Variants in DPH6 observed in about 807,000 individuals in gnomAD.
DPH6 encodes the protein diphthine--ammonia ligase.
DPH6 carries 33 observed loss-of-function variants against 38.2 expected under a neutral mutation model. The ratio of observed to expected loss-of-function variants is 0.86; its 90% CI spans 0.65 to 1.15. DPH6 has a LOEUF of 1.15. Among genes scored for constraint, DPH6 ranks in the 50% most tolerant of loss-of-function variants. The pLI is 0.00. For synonymous variants in DPH6, 108 were observed against 103.0 expected (o/e 1.05, Z -0.30); for missense variants, 325 against 320.0 (o/e 1.02, Z -0.12).
intron 5 of DPH6, among the ~76,000 whole-genome samples, chr15:35,449,448 C>T (rs1000666545): frequency 6.6e-6 from 1 of 152,058 alleles, no homozygotes; most frequent in African/African-American, 2.4e-5. Flanking sequence ...GGAGGTCTCT[C>T]TGGGTCCTAA....
intron 3 of DPH6, chr15:35,298,468 T>C: frequency 1.3e-6 from 1 of 768,646 alleles, no homozygotes; most frequent in South Asian, 1.3e-5. Context: ...TTTCACGTTC[T>C]TCCTTGGTTT....
chr15:35,489,284 A>G (rs1460676532), intron 3 of DPH6: 1 of 969,204 alleles, frequency 1.0e-6, no homozygotes, highest in Non-Finnish European at 1.2e-6. Context: ...GTCTATTCAA[A>G]GAAAATGGAA....
chr15:35,229,281 A>G (rs2051501891), intron 3 of DPH6, among the ~76,000 whole-genome samples: 1 of 151,764 alleles, frequency 6.6e-6, no homozygotes, highest in African/African-American at 2.4e-5. Context: ...ACTGTCTTCA[A>G]GTTCACTAAT....
intron 3 of DPH6, among the ~76,000 whole-genome samples, chr15:35,513,950 G>A (rs1294377480): frequency 6.6e-6 from 1 of 151,864 alleles, no homozygotes; most frequent in Non-Finnish European, 1.5e-5. Context: ...GGTTGCTAAT[G>A]CTTCATAATC....
chr15:35,413,103 C>T (rs2140998351), intron 5 of DPH6, among the ~76,000 whole-genome samples: 1 of 151,652 alleles, frequency 6.6e-6, no homozygotes, highest in Non-Finnish European at 1.5e-5. Context: ...TGGAAAATCT[C>T]TGTACATTTC....
chr15:35,419,680 G>A (rs970005056), intron 5 of DPH6, among the ~76,000 whole-genome samples: 3 of 152,048 alleles, frequency 2.0e-5, no homozygotes, highest in Admixed American at 1.3e-4. Flanking sequence ...GTTTTAGGTC[G>A]AAAACTGTAA....
chr15:35,470,975 AAT>A (rs969224440), intron 3 of DPH6, among the ~76,000 whole-genome samples: 1 of 152,176 alleles, frequency 6.6e-6, no homozygotes, highest in Non-Finnish European at 1.5e-5. Flanking sequence ...TAGAAAAAAA[AAT>A]AGAGAAATAG....
At chr15:35,241,942 ATCCACCC>A (rs1403497163) in intron 3 of DPH6, among the ~76,000 whole-genome samples, 1 of 142,224 alleles carries the variant, frequency 7.0e-6, no homozygotes, top group Non-Finnish European at 1.5e-5. Flanking sequence ...TGTTTTGCCT[ATCCACCC>A]CATGGTGCCA....
intron 6 of DPH6, among the ~76,000 whole-genome samples, chr15:35,398,158 G>A (rs1489674056): frequency 6.6e-6 from 1 of 152,144 alleles, no homozygotes; most frequent in Non-Finnish European, 1.5e-5. Context: ...AGTGCCAGGA[G>A]AATCTTTTGT....
chr15:35,211,344 A>G, the DPH6 span, among the ~76,000 whole-genome samples: 1 of 152,206 alleles, frequency 6.6e-6, no homozygotes. Flanking sequence ...CAGTGCCTGA[A>G]GACAAGGAAA....
chr15:35,312,326 T>C (rs192463491), intron 3 of DPH6, among the ~76,000 whole-genome samples: 1 of 152,210 alleles, frequency 6.6e-6, no homozygotes, highest in Admixed American at 6.5e-5. Flanking sequence ...CTGAGCAAGG[T>C]TTTTCCACAG....
At chr15:35,538,915 G>A (rs1226981110) in intron 2 of DPH6, among the ~76,000 whole-genome samples, 1 of 151,998 alleles carries the variant, frequency 6.6e-6, no homozygotes, top group African/African-American at 2.4e-5. Context: ...GAGACAAATA[G>A]TGGTAAGAAA....
chr15:35,493,951 C>G (rs529515092), intron 3 of DPH6, among the ~76,000 whole-genome samples: 1 of 152,090 alleles, frequency 6.6e-6, no homozygotes. Context: ...TATCCCAGCA[C>G]GTACAATATA....
At chr15:35,453,370 T>G (rs998348447) in intron 4 of DPH6, among the ~76,000 whole-genome samples, 4 of 152,182 alleles carry the variant, frequency 2.6e-5, no homozygotes, top group African/African-American at 9.6e-5. Context: ...TAAATAGATG[T>G]CATCCCTATC....
chr15:35,507,107 C>T (rs1017229485), intron 3 of DPH6, among the ~76,000 whole-genome samples: 2 of 150,044 alleles, frequency 1.3e-5, no homozygotes, highest in Non-Finnish European at 2.9e-5. Flanking sequence ...AGACTTTGAT[C>T]TATATTTAGA....
intron 3 of DPH6, among the ~76,000 whole-genome samples, chr15:35,500,738 G>A (rs2054615275): frequency 6.6e-6 from 1 of 152,046 alleles, no homozygotes; most frequent in African/African-American, 2.4e-5. Flanking sequence ...ATTTTAGTAT[G>A]TGTTCCCTTT....
At chr15:35,296,554 G>A (rs954434276) in intron 3 of DPH6, among the ~76,000 whole-genome samples, 1 of 151,882 alleles carries the variant, frequency 6.6e-6, no homozygotes, top group Admixed American at 6.6e-5. Flanking sequence ...CTACTCTATT[G>A]TATTTTCTTG....
At chr15:35,228,351 G>A (rs765839526) in intron 3 of DPH6, among the ~76,000 whole-genome samples, 13 of 152,276 alleles carry the variant, frequency 8.5e-5, no homozygotes, top group Non-Finnish European at 1.9e-4. Flanking sequence ...CGTAGGATAC[G>A]AGTAGTTTAT....
At chr15:35,244,259 C>T (rs1432264288) in intron 3 of DPH6, among the ~76,000 whole-genome samples, 1 of 152,126 alleles carries the variant, frequency 6.6e-6, no homozygotes, top group Non-Finnish European at 1.5e-5. Context: ...TGGCATTTTG[C>T]CCCCTTTCCA....
Sources: gnomAD v4.1 joint callset for allele counts (sites outside exome capture counted in the v4.1 genomes callset) on GRCh38, gnomAD v4.1.1 for gene constraint, MANE v1.5 for transcripts, NCBI Gene and HGNC (gene_info 2026-07-23, HGNC 2026-07-21) for gene names.